Variants in PCDH15 observed in about 807,000 individuals in gnomAD.
The protein encoded by PCDH15 is protocadherin-15.
In PCDH15, 129 loss-of-function variants were observed where a neutral mutation model predicts 178.5. The observed-to-expected ratio is 0.72, with a 90% CI of 0.63 to 0.84. The LOEUF is 0.84. PCDH15 is among the 40% of genes least tolerant of loss of function. The probability of loss-of-function intolerance (pLI) is 0.00; values close to 1 mark genes in which losing one functional copy is unlikely to be tolerated. For missense variants in PCDH15, 2,230 were observed against 2,099.9 expected (o/e 1.06, Z -1.21); for synonymous variants, 800 against 732.0 (o/e 1.09, Z -1.50).
intron 2 of PCDH15, among the ~76,000 whole-genome samples, chr10:55,547,070 A>T (rs1276075350): frequency 6.6e-6 from 1 of 152,160 alleles, no homozygotes; most frequent in Non-Finnish European, 1.5e-5. Flanking sequence ...CCATTAGAGG[A>T]GTTTTGCTCA....
chr10:55,608,071 T>G (rs1183670466), intron 2 of PCDH15, among the ~76,000 whole-genome samples: 1 of 152,060 alleles, frequency 6.6e-6, no homozygotes, highest in Non-Finnish European at 1.5e-5. Flanking sequence ...ACCTTTGGTT[T>G]GTAGATAAAG....
intron 3 of PCDH15, among the ~76,000 whole-genome samples, chr10:54,463,705 T>G (rs1256550500): frequency 6.6e-6 from 1 of 152,076 alleles, no homozygotes; most frequent in African/African-American, 2.4e-5. Context: ...TTATTTGACT[T>G]TGTATTCCCA....
chr10:54,409,197 CTTCT>C (rs1953121699), intron 3 of PCDH15, among the ~76,000 whole-genome samples: 2 of 152,148 alleles, frequency 1.3e-5, no homozygotes, highest in African/African-American at 2.4e-5. Flanking sequence ...GCCCATTAAA[CTTCT>C]TTCTTTTGTA....
chr10:54,797,756 T>G (rs1438683889), intron 1 of PCDH15, among the ~76,000 whole-genome samples: 1 of 151,946 alleles, frequency 6.6e-6, no homozygotes, highest in African/African-American at 2.4e-5. Flanking sequence ...AATATGATGT[T>G]TCTATGCTCC....
At chr10:55,492,506 G>A (rs946950938) in intron 2 of PCDH15, among the ~76,000 whole-genome samples, 1 of 151,724 alleles carries the variant, frequency 6.6e-6, no homozygotes, top group Non-Finnish European at 1.5e-5. Context: ...AGGGTAAACA[G>A]ACTTTATGGA....
At chr10:53,992,199 T>C (rs1184060961) in intron 21 of PCDH15, among the ~76,000 whole-genome samples, 1 of 151,988 alleles carries the variant, frequency 6.6e-6, no homozygotes, top group African/African-American at 2.4e-5. Flanking sequence ...ACTGCAAAGG[T>C]CTGCAGTTTC....
intron 11 of PCDH15, among the ~76,000 whole-genome samples, chr10:54,192,116 A>AAAG (rs1564642962): frequency 2.7e-4 from 38 of 140,700 alleles, no homozygotes; most frequent in African/African-American, 9.3e-4. Flanking sequence ...AGAAAAAAAA[A>AAAG]AAAGAAAGAA....
chr10:55,117,912 T>A (rs1269776358), intron 2 of PCDH15, among the ~76,000 whole-genome samples: 2 of 152,142 alleles, frequency 1.3e-5, no homozygotes, highest in African/African-American at 4.8e-5. Flanking sequence ...ATGGAATATA[T>A]CTGTGCTGTG....
At chr10:55,141,861 A>G (rs71504003) in intron 2 of PCDH15, among the ~76,000 whole-genome samples, 3,846 of 151,510 alleles carry the variant, frequency 0.025, 158 homozygotes, top group African/African-American at 0.088. Context: ...AAGGTTTATT[A>G]TTTTTTTTTA....
chr10:54,978,918 T>G (rs2131901775), intron 2 of PCDH15, among the ~76,000 whole-genome samples: 1 of 152,310 alleles, frequency 6.6e-6, no homozygotes, highest in Non-Finnish European at 1.5e-5. Context: ...CTGTCTTTTG[T>G]CATAGGGCAC....
intron 15 of PCDH15, among the ~76,000 whole-genome samples, chr10:54,130,229 A>G (rs2042318701): frequency 6.6e-6 from 1 of 152,156 alleles, no homozygotes; most frequent in Non-Finnish European, 1.5e-5. Context: ...AATGCTTAAC[A>G]AAAAAACTTT....
At chr10:55,541,966 A>AAATGAGTT (rs977796264) in intron 2 of PCDH15, among the ~76,000 whole-genome samples, 2 of 151,814 alleles carry the variant, frequency 1.3e-5, no homozygotes, top group African/African-American at 4.8e-5. Context: ...ATGCTACAAT[A>AAATGAGTT]AATGAGTCAG....
intron 2 of PCDH15, among the ~76,000 whole-genome samples, chr10:55,025,276 G>A (rs1274384064): frequency 2.0e-5 from 3 of 152,122 alleles, no homozygotes; most frequent in Admixed American, 2.0e-4. Context: ...AAATTTCATT[G>A]TACTTTTTGA....
Position 54,454,071 on chromosome 10 carries a change from T to C in PCDH15, c.157+73741A>G, listed in dbSNP as rs187648487. Among the ~76,000 whole-genome samples, 137 of 151,028 alleles carry C rather than the reference T, an allele frequency of 9.1e-4. 1 individual carries two copies. The highest frequency in any genetic ancestry group is 3.2e-3 in the African/African-American group (132 of 41,330). On this transcript the variant is annotated intron_variant, in intron 3 of 37. Coordinates refer to ENST00000644397, the MANE Select transcript of PCDH15 (RefSeq NM_001384140.1). ...ATAGAGATTAAATATAACAGATTTATAGATTTATAAACATATAACAGATTT... is the reference window on the plus strand; with the variant it reads ...ATAGAGATTAAATATAACAGATTTACAGATTTATAAACATATAACAGATTT...
intron 2 of PCDH15, among the ~76,000 whole-genome samples, chr10:55,049,594 T>C (rs1267988678): frequency 2.6e-5 from 4 of 151,992 alleles, no homozygotes; most frequent in Non-Finnish European, 5.9e-5. Flanking sequence ...TGTTAATTTA[T>C]TGAACATATA....
intron 2 of PCDH15, among the ~76,000 whole-genome samples, chr10:54,571,585 T>C (rs2089851019): frequency 1.3e-5 from 2 of 152,140 alleles, no homozygotes; most frequent in Admixed American, 6.5e-5. Context: ...GTGAGCTATA[T>C]TGAGCTTAAA....
At chr10:55,282,939 G>T (rs1842768957) in intron 1 of PCDH15, among the ~76,000 whole-genome samples, 1 of 152,090 alleles carries the variant, frequency 6.6e-6, no homozygotes, top group Non-Finnish European at 1.5e-5. Flanking sequence ...GTAACTTTTG[G>T]AGGAACTTAC....
intron 20 of PCDH15, among the ~76,000 whole-genome samples, chr10:54,012,811 G>A (rs372368879): frequency 7.9e-5 from 12 of 152,078 alleles, no homozygotes; most frequent in Admixed American, 2.0e-4. Flanking sequence ...CATGTGAACA[G>A]CCACTACAAA....
At chr10:53,971,287 T>C (rs2089656336) in intron 21 of PCDH15, among the ~76,000 whole-genome samples, 2 of 152,218 alleles carry the variant, frequency 1.3e-5, no homozygotes, top group South Asian at 4.1e-4. Context: ...GTAACCTATC[T>C]TAAAATAATA....
Sources: gnomAD v4.1 joint callset for allele counts (sites outside exome capture counted in the v4.1 genomes callset) on GRCh38, gnomAD v4.1.1 for gene constraint, MANE v1.5 for transcripts, NCBI Gene and HGNC (gene_info 2026-07-23, HGNC 2026-07-21) for gene names.